DENND1A: variants seen among roughly 807,000 people sequenced by gnomAD.
The protein encoded by DENND1A is DENN domain-containing protein 1A.
A neutral mutation model predicts 113.7 loss-of-function variants in DENND1A; 51 were observed. The observed-to-expected ratio is 0.45, with a 90% CI of 0.36 to 0.57. DENND1A has a LOEUF of 0.57. Among genes scored for constraint, DENND1A ranks in the 20% least tolerant of loss-of-function variants. DENND1A has a pLI of 0.00. For synonymous variants in DENND1A, 565 were observed against 570.8 expected, an observed-to-expected ratio of 0.99 and a Z score of 0.14; for missense variants, 1,258 against 1,395.9, an observed-to-expected ratio of 0.90 and a Z score of 1.57.
intron 13 of DENND1A, among the ~76,000 whole-genome samples, chr9:123,517,284 C>G (rs1225156367): frequency 6.8e-6 from 1 of 146,908 alleles, no homozygotes; most frequent in African/African-American, 2.5e-5. Context: ...CCCACAAAAC[C>G]CCCCCCAAAA....
chr9:123,454,821 G>T, intron 15 of DENND1A, 42 bp from the exon 16 acceptor site: 6 of 1,463,986 alleles, frequency 4.1e-6, no homozygotes, highest in Non-Finnish European at 5.6e-6. Flanking sequence ...TTAAAGAGGT[G>T]ATTTGTCCTT....
At chr9:123,540,254 C>CGG (rs1188306261) in intron 13 of DENND1A, among the ~76,000 whole-genome samples, 1 of 152,214 alleles carries the variant, frequency 6.6e-6, no homozygotes, top group Non-Finnish European at 1.5e-5. Context: ...CACACCAATC[C>CGG]TGTGAGGCAG....
intron 6 of DENND1A, among the ~76,000 whole-genome samples, chr9:123,674,336 TCTCTCTCACA>T (rs1255517947): frequency 4.9e-5 from 6 of 123,090 alleles, no homozygotes; most frequent in Non-Finnish European, 8.5e-5. Flanking sequence ...TGTCTCTGTC[TCTCTCTCACA>T]CACACACACA....
chr9:123,913,870 A>C (rs895904286), intron 1 of DENND1A, among the ~76,000 whole-genome samples: 2 of 146,482 alleles, frequency 1.4e-5, no homozygotes, highest in African/African-American at 5.1e-5. Flanking sequence ...ACGCCATTGC[A>C]CTCCAGCCTG....
intron 10 of DENND1A, among the ~76,000 whole-genome samples, chr9:123,619,584 T>G (rs1007032601): frequency 2.0e-5 from 3 of 152,186 alleles, no homozygotes; most frequent in Non-Finnish European, 4.4e-5. Flanking sequence ...CACACCTGGC[T>G]AATTTTTGTA....
chr9:123,517,648 AAAAC>A (rs1390229457), intron 13 of DENND1A, among the ~76,000 whole-genome samples: 1 of 152,156 alleles, frequency 6.6e-6, no homozygotes, highest in Non-Finnish European at 1.5e-5. Context: ...AAAACAAAAC[AAAAC>A]AAACAAAAAA....
intron 5 of DENND1A, among the ~76,000 whole-genome samples, chr9:123,694,511 G>A (rs1165136127): frequency 6.6e-6 from 1 of 152,138 alleles, no homozygotes; most frequent in Non-Finnish European, 1.5e-5. Context: ...AGGACATCCT[G>A]ACAAACCCAA....
At position 123,620,232 on chromosome 9, in the gene DENND1A, A is replaced by AAAAAAAAAAAAAAAAAAAAAG. The variant is rs1554916729; in HGVS notation, c.719+10143_719+10144insCTTTTTTTTTTTTTTTTTTTT. On this transcript the variant is annotated intron_variant, in intron 10 of 23. Transcript: ENST00000394215. ...CCATCTCAAAAAAAAAAAAAAAAAA[A>AAAAAAAAAAAAAAAAAAAAAG]AAAAAAGAAAAGAAAAAGAAAAAAA... Among the ~76,000 whole-genome samples the AAAAAAAAAAAAAAAAAAAAAG allele has an allele frequency of 2.9e-4, 33 of 114,400 alleles. 1 individual carries two copies. The highest frequency in any genetic ancestry group is 4.4e-4 in the East Asian group (2 of 4,588). The allele number at this position is 114,400 out of a possible 152,430, so 75.1% of individuals were successfully genotyped here. A position where few individuals can be genotyped will look rare whatever the true frequency, so the allele number is the denominator to read the frequency against.
chr9:123,917,421 G>A (rs930474954), intron 1 of DENND1A, among the ~76,000 whole-genome samples: 4 of 152,192 alleles, frequency 2.6e-5, no homozygotes, highest in South Asian at 4.2e-4. Flanking sequence ...TAGGTATTGC[G>A]GGATAAAGCA....
At chr9:123,572,109 A>G (rs1366327186) in intron 12 of DENND1A, among the ~76,000 whole-genome samples, 1 of 152,240 alleles carries the variant, frequency 6.6e-6, no homozygotes, top group African/African-American at 2.4e-5. Flanking sequence ...ATCAAGATAC[A>G]GACGGTCCAT....
intron 5 of DENND1A, among the ~76,000 whole-genome samples, chr9:123,687,554 C>A (rs951985343): frequency 2.0e-4 from 30 of 152,216 alleles, no homozygotes; most frequent in African/African-American, 1.2e-4. Context: ...TTGTTCCAGA[C>A]AGCTGATGTT....
intron 2 of DENND1A, among the ~76,000 whole-genome samples, chr9:123,806,116 G>A (rs1258725582): frequency 6.6e-6 from 1 of 151,474 alleles, no homozygotes; most frequent in Non-Finnish European, 1.5e-5. Flanking sequence ...ACCATGCCTG[G>A]CTAATTTTTG....
chr9:123,513,802 C>T (rs2053647186), intron 13 of DENND1A, among the ~76,000 whole-genome samples: 1 of 152,192 alleles, frequency 6.6e-6, no homozygotes. Context: ...AATGACTGTG[C>T]AGAACAGTGT....
intron 12 of DENND1A, among the ~76,000 whole-genome samples, chr9:123,562,312 G>T (rs2057805511): frequency 6.6e-6 from 1 of 152,028 alleles, no homozygotes; most frequent in Non-Finnish European, 1.5e-5. Context: ...GCTGTCTCTT[G>T]TCCCTTCCTG....
rs79559151 is a variant in DENND1A, at chr9:123,523,414, C to T, written c.993+34156G>A. On this transcript the variant is annotated intron_variant, in intron 13 of 23. Transcript: ENST00000394215. ...AACCAAAGCTCAAATCGTTGACTTG[C>T]TTTTACTGCTACACAGATAATACGT... Among the ~76,000 whole-genome samples, 596 of 152,260 alleles carry T rather than the reference C, an allele frequency of 3.9e-3. 8 individuals carry two copies. The East Asian group carries it at 0.062, about 16-fold the overall frequency.
intron 19 of DENND1A, among the ~76,000 whole-genome samples, chr9:123,417,887 G>C (rs927247601): frequency 7.3e-6 from 1 of 137,796 alleles, no homozygotes; most frequent in African/African-American, 3.1e-5. Context: ...CCATAGATTG[G>C]GGGGGGGGCA....
intron 8 of DENND1A, among the ~76,000 whole-genome samples, chr9:123,656,199 A>T (rs935699519): frequency 7.3e-5 from 11 of 150,650 alleles, no homozygotes; most frequent in African/African-American, 2.4e-4. Flanking sequence ...AGGCAAAGAC[A>T]GGGTGGGGAG....
intron 3 of DENND1A, among the ~76,000 whole-genome samples, chr9:123,783,497 A>G (rs1831629938): frequency 1.3e-5 from 2 of 152,208 alleles, no homozygotes; most frequent in African/African-American, 4.8e-5. Context: ...AGGAGACACG[A>G]CATAATTATT....
intron 10 of DENND1A, 41 bp from the exon 11 acceptor site, chr9:123,609,522 G>T: frequency 6.2e-7 from 1 of 1,600,872 alleles, no homozygotes; most frequent in Non-Finnish European, 8.5e-7. Context: ...TTTAATGTCT[G>T]TTGCTTCTGA....
Sources: allele counts gnomAD v4.1 joint callset (sites outside exome capture counted in the v4.1 genomes callset), GRCh38; gene constraint gnomAD v4.1.1; transcripts MANE v1.5; gene names NCBI Gene and HGNC (gene_info 2026-07-23, HGNC 2026-07-21).